Variants in RFX6 observed in about 807,000 individuals in gnomAD.
The protein encoded by RFX6 is regulatory factor X6, also known as DNA-binding protein RFX6.
Under a neutral mutation model 110.8 loss-of-function variants are expected in RFX6, and 50 were observed. That is an observed-to-expected ratio of 0.45 (90% CI 0.36 to 0.57). RFX6 has a LOEUF of 0.57. Ranked by LOEUF, RFX6 falls within the 20% of genes least tolerant of loss-of-function variation. The probability of loss-of-function intolerance (pLI) is 0.00; values close to 1 mark genes in which losing one functional copy is unlikely to be tolerated. For synonymous variants in RFX6, 383 were observed against 411.2 expected (o/e 0.93, Z 0.83); for missense variants, 990 against 1,127.0 (o/e 0.88, Z 1.74).
At chr6:116,881,980 T>G (rs1234547690) in intron 3 of RFX6, among the ~76,000 whole-genome samples, 9 of 152,166 alleles carry the variant, frequency 5.9e-5, no homozygotes, top group Non-Finnish European at 1.0e-4. Context: ...GAGAAAGTTT[T>G]ATATGTCCTT....
Position 116,919,254 on chromosome 6 carries a change from A to G in RFX6, c.1140A>G (p.Val380=), listed in dbSNP as rs749920853. The G allele has an allele frequency of 2.5e-6, 4 of 1,613,664 alleles. No individual in the cohort carries two copies. The highest frequency in any genetic ancestry group is 1.7e-5 in the Admixed American group (1 of 59,982). Residue 380 remains valine, a synonymous_variant, in exon 11 of 19, where the codon GTA becomes GTG. Transcript: ENST00000332958. ...AAATACCTATTGTGCGAAGATTTGT[A>G]TCTTCTCTGAAACGACAAACATCTT... ...DKKIPIVRRF[V]SSLKRQTSFL...
intron 6 of RFX6, among the ~76,000 whole-genome samples, chr6:116,908,679 CACACACACAG>C (rs773553995): frequency 0.011 from 1,006 of 94,094 alleles, 10 homozygotes; most frequent in Non-Finnish European, 0.015. Flanking sequence ...TACACACACA[CACACACACAG>C]ACACACACAC....
intron 4 of RFX6, among the ~76,000 whole-genome samples, chr6:116,887,346 G>T (rs339328): frequency 0.29 from 43,401 of 151,872 alleles, 6,399 homozygotes; most frequent in South Asian, 0.38. Context: ...CAATTTGCAG[G>T]TCCATTAGCA....
rs771558517 is a variant in RFX6, at chr6:116,882,464, TG to T, written c.566+37del. On this transcript the variant is annotated intron_variant, in intron 4 of 18. Transcript: ENST00000332958. Reference sequence around the variant, plus strand: ...AGTGAACATATTCAGGTTCTGCTCTTGTGCATGAAGATTGACACAGATGTAA... The same window carrying T: ...AGTGAACATATTCAGGTTCTGCTCTTTGCATGAAGATTGACACAGATGTAA... 5.5e-6 allele frequency: 8 copies of T among 1,452,012 alleles called. No homozygotes were observed. In the East Asian group the frequency reaches 1.8e-4, roughly 33 times the overall value. The allele number at this position is 1,452,012 out of a possible 1,614,324, so 89.9% of individuals were successfully genotyped here.
intron 16 of RFX6, among the ~76,000 whole-genome samples, chr6:116,926,629 T>G (rs1417174900): frequency 1.3e-5 from 2 of 152,218 alleles, no homozygotes; most frequent in Non-Finnish European, 2.9e-5. Flanking sequence ...TTGAATTGAC[T>G]GCTTTGAAGC....
At chr6:116,917,987 A>G (rs371078050) in intron 9 of RFX6, 50 bp from the exon 10 acceptor site, 183 of 1,309,526 alleles carry the variant, frequency 1.4e-4, no homozygotes, top group South Asian at 3.0e-4. Context: ...ATGTCTTTCT[A>G]TAGAAATACT....
chr6:116,930,888 G>T (rs532927562), intron 18 of RFX6, among the ~76,000 whole-genome samples: 1 of 152,076 alleles, frequency 6.6e-6, no homozygotes, highest in Admixed American at 6.6e-5. Context: ...CATTTGAGAC[G>T]AGTGAAAGTT....
At chr6:116,929,966 A>G (rs1325519216) in intron 18 of RFX6, among the ~76,000 whole-genome samples, 1 of 152,218 alleles carries the variant, frequency 6.6e-6, no homozygotes, top group Non-Finnish European at 1.5e-5. Context: ...ATCTTCTGCT[A>G]TCTGCAAATG....
At chr6:116,925,365 A>C in intron 15 of RFX6, 88 bp from the exon 16 acceptor site, 1 of 1,120,544 alleles carries the variant, frequency 8.9e-7, no homozygotes, top group South Asian at 1.2e-5. Context: ...CTCAACAATG[A>C]AACATTTTCA....
intron 6 of RFX6, among the ~76,000 whole-genome samples, chr6:116,897,921 T>C (rs1015739985): frequency 4.6e-5 from 7 of 152,056 alleles, no homozygotes; most frequent in African/African-American, 1.7e-4. Flanking sequence ...TTTAGTTTGA[T>C]GGTGATTGAA....
intron 4 of RFX6, among the ~76,000 whole-genome samples, chr6:116,883,256 C>T (rs1489290170): frequency 6.6e-6 from 1 of 152,118 alleles, no homozygotes; most frequent in Non-Finnish European, 1.5e-5. Context: ...TTCCTTGGCT[C>T]CTGCTTAGCA....
intron 2 of RFX6, among the ~76,000 whole-genome samples, chr6:116,879,518 G>T (rs1774540989): frequency 6.6e-6 from 1 of 151,640 alleles, no homozygotes; most frequent in Non-Finnish European, 1.5e-5. Flanking sequence ...AAAAATGAGT[G>T]ATATTTTACC....
rs746422479 is a variant in RFX6, at chr6:116,931,489, G to A, written c.2770G>A (p.Ala924Thr). The A allele has an allele frequency of 1.2e-6, 2 of 1,613,102 alleles. No homozygotes were observed. The highest frequency in any genetic ancestry group is 1.1e-5 in the South Asian group (1 of 91,048). ...PPINTVFMGTAAGGT is the reference protein window; with the variant it reads ...PPINTVFMGTTAGGT Reference sequence around the variant, plus strand: ...TATCAACACTGTGTTCATGGGAACAGCAGCTGGAGGCACTTAAACCACCAA... The same window carrying A: ...TATCAACACTGTGTTCATGGGAACAACAGCTGGAGGCACTTAAACCACCAA... Residue 924 changes from alanine (A) to threonine (T), a missense_variant, in exon 19 of 19, where the codon GCA (alanine) becomes ACA (threonine). Physicochemically the swap from Ala to Thr is moderately conservative, Grantham distance 58. This residue lies in a region of RFX6 where 438 missense variants were observed against 441.9 expected (regional missense o/e 0.99). Transcript: ENST00000332958.
At chr6:116,895,265 C>A (rs1774919500) in intron 6 of RFX6, 58 bp downstream of exon 6, 2 of 931,828 alleles carry the variant, frequency 2.1e-6, no homozygotes, top group African/African-American at 1.6e-5. Context: ...ACAAGCTGAG[C>A]AATACATGTT....
At chr6:116,882,570 A>G (rs1582508872) in intron 4 of RFX6, 142 bp downstream of exon 4, 1 of 91,836 alleles carries the variant, frequency 1.1e-5, no homozygotes, top group Non-Finnish European at 1.9e-5. Flanking sequence ...GTGAGAACTG[A>G]AAAAAAAAAA....
intron 6 of RFX6, among the ~76,000 whole-genome samples, chr6:116,904,508 G>A (rs1233705087): frequency 1.3e-5 from 2 of 151,900 alleles, no homozygotes; most frequent in African/African-American, 4.8e-5. Flanking sequence ...TATTTTTATT[G>A]TGGTAAACTA....
chr6:116,916,500 T>C (rs1405808447), intron 9 of RFX6, among the ~76,000 whole-genome samples, 186 bp downstream of exon 9: 1 of 152,090 alleles, frequency 6.6e-6, no homozygotes, highest in Non-Finnish European at 1.5e-5. Flanking sequence ...TTAATTGAAG[T>C]TTACATTAAG....
chr6:116,907,302 T>G (rs1304460271), intron 6 of RFX6, among the ~76,000 whole-genome samples: 1 of 152,136 alleles, frequency 6.6e-6, no homozygotes. Flanking sequence ...TCATAAGGGA[T>G]ATTGGTCTGC....
chr6:116,892,289 G>T (rs1488579569), intron 4 of RFX6, among the ~76,000 whole-genome samples: 2 of 152,170 alleles, frequency 1.3e-5, no homozygotes, highest in African/African-American at 4.8e-5. Context: ...CTCCCACTTT[G>T]GGGGGCTCAT....
Sources: allele counts gnomAD v4.1 joint callset (sites outside exome capture counted in the v4.1 genomes callset), GRCh38; gene constraint gnomAD v4.1.1; regional missense constraint gnomAD v4.1.1; transcripts MANE v1.5; gene names NCBI Gene and HGNC (gene_info 2026-07-23, HGNC 2026-07-21).